The following PCDHGA1 variants were observed in gnomAD, a reference collection of about 807,000 sequenced individuals.
PCDHGA1 encodes the protein protocadherin gamma-A1.
In PCDHGA1, 32 loss-of-function variants were observed where a neutral mutation model predicts 58.0. That is an observed-to-expected ratio of 0.55 (90% CI 0.42 to 0.74). The LOEUF (loss-of-function observed/expected upper bound fraction) is 0.74. PCDHGA1 is among the 30% of genes least tolerant of loss of function. The pLI, the probability that PCDHGA1 is intolerant of heterozygous loss-of-function variation, is 0.00. For missense variants in PCDHGA1, 1,205 were observed against 1,182.3 expected (o/e 1.02, Z -0.28); for synonymous variants, 498 against 501.1 (o/e 0.99, Z 0.08).
In PCDHGA1 at chr5:141,432,582, T is replaced by A. The variant is rs1561862595; in HGVS notation, c.2422-62225T>A. 2 of 1,613,236 alleles carry A rather than the reference T, an allele frequency of 1.2e-6. No homozygotes were observed. The highest frequency in any genetic ancestry group is 1.7e-6 in the Non-Finnish European group (2 of 1,179,922). On this transcript the variant is annotated intron_variant, in intron 1 of 3. Transcript: ENST00000517417. This position sits in a 1 kb window ranked among gnomAD's most constrained non-coding sequence, Gnocchi z 6.0. ...CAGAACGCCTGGCTGTCCTACCGTC[T>A]GCTCAAGGCCAGCGAGCCGGGACTC...
At chr5:141,494,733 C>G in intron 1 of PCDHGA1, 74 bp from the exon 2 acceptor site, 1 of 1,610,826 alleles carries the variant, frequency 6.2e-7, no homozygotes, top group South Asian at 1.1e-5. Flanking sequence ...CTCTCCCGGC[C>G]CATCCCTAGG....
intron 1 of PCDHGA1, chr5:141,388,752 T>C: frequency 6.2e-7 from 1 of 1,614,002 alleles, no homozygotes; most frequent in East Asian, 2.2e-5. Context: ...GATCACCCAA[T>C]TTGACCTGAA....
chr5:141,410,766 AG>A, intron 1 of PCDHGA1: 1 of 1,032,268 alleles, frequency 9.7e-7, no homozygotes, highest in Non-Finnish European at 1.3e-6. Context: ...TTTCAATTAT[AG>A]TTTTCACTAT....
In PCDHGA1 at chr5:141,410,160, C is replaced by T. The variant is rs767993789; in HGVS notation, c.2421+77055C>T. ...GCTGTGCGTGACGGTGGACAGCCGC[C>T]ACTCTCTGCCACCGCCACGCTTCAT... On this transcript the variant is annotated intron_variant, in intron 1 of 3. Transcript: ENST00000517417. 100 of 1,613,580 alleles carry T rather than the reference C, an allele frequency of 6.2e-5. No individual in the cohort carries two copies. In the Middle Eastern group the frequency reaches 2.1e-3, roughly 34 times the overall value.
chr5:141,346,787 T>C (rs1234122694), intron 1 of PCDHGA1, among the ~76,000 whole-genome samples: 1 of 152,248 alleles, frequency 6.6e-6, no homozygotes, highest in Non-Finnish European at 1.5e-5. Context: ...TGAGTAACTA[T>C]GATGAGAGAA....
chr5:141,410,118 G>T (rs2095358965), intron 1 of PCDHGA1: 3 of 1,612,304 alleles, frequency 1.9e-6, no homozygotes, highest in East Asian at 4.5e-5. Context: ...GACGCAGCCC[G>T]CCAGCGCCTG....
At chr5:141,414,342 C>A in intron 1 of PCDHGA1, 2 of 1,613,810 alleles carry the variant, frequency 1.2e-6, no homozygotes, top group East Asian at 2.2e-5. Flanking sequence ...TAACCTGTTC[C>A]ATTTTGGCGT....
Position 141,418,471 on chromosome 5 carries a change from G to T in PCDHGA1, c.2422-76336G>T, listed in dbSNP as rs199547102. 57 of 1,614,002 alleles carry T rather than the reference G, an allele frequency of 3.5e-5. No homozygotes were observed. In the African/African-American group the frequency reaches 5.7e-4, roughly 16 times the overall value. ...TGCAGAAGACTCTGGACCGAGAAACGCAGAGCGCTCACCACTTGGTACTGA... is the reference window on the plus strand; with the variant it reads ...TGCAGAAGACTCTGGACCGAGAAACTCAGAGCGCTCACCACTTGGTACTGA... On this transcript the variant is annotated intron_variant, in intron 1 of 3. Coordinates refer to ENST00000517417, the MANE Select transcript of PCDHGA1 (RefSeq NM_018912.3).
intron 1 of PCDHGA1, chr5:141,366,742 G>T (rs762560261): frequency 1.2e-6 from 2 of 1,611,864 alleles, no homozygotes; most frequent in East Asian, 2.2e-5. Flanking sequence ...AAGAAGAACG[G>T]CGAGTTCAGG....
At chr5:141,374,458 C>T (rs1183222146) in intron 1 of PCDHGA1, 1 of 1,613,426 alleles carries the variant, frequency 6.2e-7, no homozygotes. Flanking sequence ...AAATAGTGGA[C>T]ATTAATGACA....
intron 1 of PCDHGA1, among the ~76,000 whole-genome samples, chr5:141,455,576 G>T (rs752051075): frequency 1.3e-5 from 2 of 152,154 alleles, no homozygotes; most frequent in Non-Finnish European, 2.9e-5. Flanking sequence ...TCCCACCCCA[G>T]CCTTTTAATA....
At chr5:141,507,932 G>C (rs2099865030) in intron 3 of PCDHGA1, 1 of 152,338 alleles carries the variant, frequency 6.6e-6, no homozygotes, top group Admixed American at 6.5e-5. Context: ...TGCTGAGAGG[G>C]GTTAAGTAAG....
chr5:141,474,371 G>A (rs909237592), intron 1 of PCDHGA1, among the ~76,000 whole-genome samples: 1 of 152,180 alleles, frequency 6.6e-6, no homozygotes, highest in African/African-American at 2.4e-5. Flanking sequence ...TAGGTCTAGA[G>A]GAGGGCATTT....
At chr5:141,433,694 G>T (rs539494151) in intron 1 of PCDHGA1, among the ~76,000 whole-genome samples, 1 of 152,126 alleles carries the variant, frequency 6.6e-6, no homozygotes, top group South Asian at 2.1e-4. Flanking sequence ...AAAATTAGCC[G>T]GGCGTGGTGG....
At chr5:141,348,735 A>G (rs1486857754) in intron 1 of PCDHGA1, among the ~76,000 whole-genome samples, 1 of 152,224 alleles carries the variant, frequency 6.6e-6, no homozygotes, top group Non-Finnish European at 1.5e-5. Flanking sequence ...GGAGAAGTTC[A>G]TAGTAAAAGG....
chr5:141,348,552 A>G (rs1758140457), intron 1 of PCDHGA1, among the ~76,000 whole-genome samples: 1 of 152,260 alleles, frequency 6.6e-6, no homozygotes, highest in Non-Finnish European at 1.5e-5. Context: ...TAAGAATTCT[A>G]TATGAAACAT....
chr5:141,414,306 T>A lies in PCDHGA1; in HGVS notation c.2422-80501T>A, dbSNP rs778408885. The A allele has an allele frequency of 6.2e-6, 10 of 1,613,584 alleles. No homozygotes were observed. The Admixed American group carries it at 1.2e-4, about 19-fold the overall frequency. Reference sequence around the variant, plus strand: ...TCGTAGCCCTTTTAAATGTGCATGATTTAGACTCTGAGCAGAATGGACAGG... The same window carrying A: ...TCGTAGCCCTTTTAAATGTGCATGAATTAGACTCTGAGCAGAATGGACAGG... On this transcript the variant is annotated intron_variant, in intron 1 of 3. Coordinates refer to ENST00000517417, the MANE Select transcript of PCDHGA1 (RefSeq NM_018912.3).
chr5:141,351,746 G>A, intron 1 of PCDHGA1: 2 of 1,613,680 alleles, frequency 1.2e-6, no homozygotes, highest in Non-Finnish European at 1.7e-6. Flanking sequence ...GGAGCCGCGG[G>A]AGCTGTTGTC....
intron 2 of PCDHGA1, 141 bp downstream of exon 2, chr5:141,495,006 G>C (rs1030195663): frequency 2.0e-6 from 3 of 1,521,446 alleles, no homozygotes; most frequent in Non-Finnish European, 8.8e-7. Flanking sequence ...CTTGGTGTGC[G>C]GGGGGCTGGC....
Sources: allele counts gnomAD v4.1 joint callset (sites outside exome capture counted in the v4.1 genomes callset), GRCh38; gene constraint gnomAD v4.1.1; non-coding constraint Gnocchi (gnomAD v3.1); transcripts MANE v1.5; gene names NCBI Gene and HGNC (gene_info 2026-07-23, HGNC 2026-07-21).